Variants in CLYBL observed in about 807,000 individuals in gnomAD.
The protein encoded by CLYBL is citramalyl-CoA lyase, mitochondrial.
CLYBL carries 31 observed loss-of-function variants against 38.9 expected under a neutral mutation model. That is an observed-to-expected ratio of 0.80 (90% CI 0.60 to 1.08). The LOEUF (loss-of-function observed/expected upper bound fraction) is 1.08. Among genes scored for constraint, CLYBL ranks in the 50% least tolerant of loss-of-function variants. CLYBL has a pLI of 0.00. For missense variants in CLYBL, 434 were observed against 411.6 expected (o/e 1.05, Z -0.47); for synonymous variants, 171 against 158.6 (o/e 1.08, Z -0.59).
chr13:99,766,785 TG>T (rs1228425280), intron 1 of CLYBL, among the ~76,000 whole-genome samples: 1 of 152,180 alleles, frequency 6.6e-6, no homozygotes, highest in Admixed American at 6.5e-5. Flanking sequence ...TCTTCCTGAA[TG>T]GGGGAGGTCC....
At chr13:99,836,319 C>G (rs1218541698) in intron 2 of CLYBL, among the ~76,000 whole-genome samples, 4 of 152,256 alleles carry the variant, frequency 2.6e-5, no homozygotes, top group Non-Finnish European at 5.9e-5. Context: ...CGTTTCTTCC[C>G]CTGGAGAGGG....
At chr13:99,690,402 T>A (rs1048977814) in intron 1 of CLYBL, 2 of 152,172 alleles carry the variant, frequency 1.3e-5, no homozygotes, top group African/African-American at 4.8e-5. Flanking sequence ...TCCTCTCTAC[T>A]TCTCTTCCCT....
chr13:99,726,860 C>A (rs537509766), intron 1 of CLYBL, among the ~76,000 whole-genome samples: 1 of 152,266 alleles, frequency 6.6e-6, no homozygotes, highest in African/African-American at 2.4e-5. Context: ...CAAGGATGTA[C>A]ATCAGAACCT....
chr13:99,771,985 T>C (rs557418645), intron 1 of CLYBL, among the ~76,000 whole-genome samples: 1 of 152,362 alleles, frequency 6.6e-6, no homozygotes, highest in East Asian at 1.9e-4. Flanking sequence ...AGGCATTCAC[T>C]GTCCTTCCTA....
intron 1 of CLYBL, among the ~76,000 whole-genome samples, chr13:99,695,793 C>G (rs2139442928): frequency 6.6e-6 from 1 of 152,294 alleles, no homozygotes; most frequent in East Asian, 1.9e-4. Flanking sequence ...GCTGGGATTA[C>G]AGGAATGAGC....
chr13:99,829,933 G>A (rs941762583), intron 2 of CLYBL, among the ~76,000 whole-genome samples: 3 of 152,146 alleles, frequency 2.0e-5, no homozygotes, highest in East Asian at 3.8e-4. Flanking sequence ...ATGGTCTCAC[G>A]GGGTGGCACC....
intron 2 of CLYBL, among the ~76,000 whole-genome samples, chr13:99,820,272 G>A (rs2050562082): frequency 6.6e-6 from 1 of 152,214 alleles, no homozygotes. Flanking sequence ...GCACTGAGGA[G>A]TGTCTAGGGG....
chr13:99,705,036 A>G (rs1163355644), intron 1 of CLYBL, among the ~76,000 whole-genome samples: 1 of 152,226 alleles, frequency 6.6e-6, no homozygotes, highest in Non-Finnish European at 1.5e-5. Context: ...CCACAATGAA[A>G]GCATTAAACA....
intron 1 of CLYBL, among the ~76,000 whole-genome samples, chr13:99,617,610 C>T (rs1047099355): frequency 6.7e-6 from 1 of 149,486 alleles, no homozygotes; most frequent in African/African-American, 2.5e-5. Flanking sequence ...GCAGTCTCTG[C>T]AGTCTGCAGG....
chr13:99,676,470 G>GT (rs1445674298), intron 1 of CLYBL, among the ~76,000 whole-genome samples: 2 of 151,582 alleles, frequency 1.3e-5, no homozygotes, highest in Non-Finnish European at 2.9e-5. Context: ...CTGGCTAATT[G>GT]TTTTTTTAGT....
rs770607622 is a variant in CLYBL, at chr13:99,891,298, T to A, written c.928-20T>A. On this transcript the variant is annotated intron_variant, in intron 7 of 8. Transcript: ENST00000339105. ...AATTTCGAGTATTCTTTCAGGAAGT[T>A]TGTATTCTCTGTTTTCCAGGGGGCC... The A allele has an allele frequency of 6.4e-7, 1 of 1,559,334 alleles. No individual in the cohort carries two copies. The highest frequency in any genetic ancestry group is 1.1e-5 in the South Asian group (1 of 89,798).
At chr13:99,854,017 G>C (rs946716379) in intron 2 of CLYBL, among the ~76,000 whole-genome samples, 2 of 152,188 alleles carry the variant, frequency 1.3e-5, no homozygotes, top group African/African-American at 4.8e-5. Flanking sequence ...AGAATTTACT[G>C]TCGTTTTTGA....
chr13:99,854,693 G>A (rs972475957), intron 2 of CLYBL, among the ~76,000 whole-genome samples: 2 of 152,080 alleles, frequency 1.3e-5, no homozygotes, highest in East Asian at 3.9e-4. Flanking sequence ...GCTTTAATGG[G>A]TGCCAATTGA....
intron 2 of CLYBL, among the ~76,000 whole-genome samples, chr13:99,794,607 T>TATTATTA (rs1566329958): frequency 1.3e-5 from 2 of 150,158 alleles, no homozygotes; most frequent in Admixed American, 6.6e-5. Flanking sequence ...TTATTATTAT[T>TATTATTA]TTGAGATGGA....
At chr13:99,833,468 G>T (rs2050865392) in intron 2 of CLYBL, among the ~76,000 whole-genome samples, 1 of 152,016 alleles carries the variant, frequency 6.6e-6, no homozygotes, top group Non-Finnish European at 1.5e-5. Context: ...GTGGAAAGTA[G>T]TAAACCCATT....
At chr13:99,634,303 A>G (rs2046989251) in intron 1 of CLYBL, among the ~76,000 whole-genome samples, 1 of 152,208 alleles carries the variant, frequency 6.6e-6, no homozygotes, top group African/African-American at 2.4e-5. Flanking sequence ...AATTAAACAA[A>G]AACTGAGAGA....
Position 99,712,395 on chromosome 13 carries a change from C to T in CLYBL, c.63-60429C>T, listed in dbSNP as rs560423257. The stretch of plus-strand genomic sequence containing the variant: ...TATAGCGCAGGCTAGAATGCAGTGG[C>T]GTGATCTCGGTTCACTGTGACCTCT... On this transcript the variant is annotated intron_variant, in intron 1 of 8. Transcript: ENST00000339105. Among the ~76,000 whole-genome samples, 109 of 142,762 alleles carry T rather than the reference C, an allele frequency of 7.6e-4. 1 individual carries two copies. The highest frequency in any genetic ancestry group is 2.1e-4 in the Non-Finnish European group (14 of 66,764). The allele number at this position is 142,762 out of a possible 152,430, so 93.7% of individuals were successfully genotyped here. A position where few individuals can be genotyped will look rare whatever the true frequency, so the allele number is the denominator to read the frequency against.
chr13:99,763,624 G>A (rs894942992), intron 1 of CLYBL, among the ~76,000 whole-genome samples: 13 of 148,618 alleles, frequency 8.7e-5, no homozygotes, highest in Non-Finnish European at 1.6e-4. Context: ...GCACGATCTC[G>A]GCTCACTGCA....
intron 1 of CLYBL, among the ~76,000 whole-genome samples, chr13:99,636,661 T>C (rs1263317140): frequency 1.3e-5 from 2 of 152,210 alleles, no homozygotes; most frequent in Non-Finnish European, 2.9e-5. Flanking sequence ...AGGTTTAAAG[T>C]AAGACATTTC....
Sources: gnomAD v4.1 joint callset for allele counts (sites outside exome capture counted in the v4.1 genomes callset) on GRCh38, gnomAD v4.1.1 for gene constraint, MANE v1.5 for transcripts, NCBI Gene and HGNC (gene_info 2026-07-23, HGNC 2026-07-21) for gene names.